The following ZNF831 variants were observed in gnomAD, a reference collection of about 807,000 sequenced individuals.
The protein encoded by ZNF831 is zinc finger protein 831.
Under a neutral mutation model 95.8 loss-of-function variants are expected in ZNF831, and 59 were observed. That is an observed-to-expected ratio of 0.62 (90% CI 0.50 to 0.77). ZNF831 has a LOEUF of 0.77. Among genes scored for constraint, ZNF831 ranks in the 30% least tolerant of loss-of-function variants. The probability of loss-of-function intolerance (pLI) is 0.00; values close to 1 mark genes in which losing one functional copy is unlikely to be tolerated. For missense variants in ZNF831, 2,205 were observed against 2,164.0 expected (o/e 1.02, Z -0.38); for synonymous variants, 961 against 925.5 (o/e 1.04, Z -0.70).
rs537767064 is a variant in ZNF831 at position 59,155,114 on chromosome 20, C to A, written c.-1280-4538C>A. On this transcript the variant is annotated intron_variant, in intron 2 of 7. Coordinates refer to the ZNF831 transcript ENST00000637017. Reference sequence around the variant, plus strand: ...AACTTGAATACAGTTTCCCTGACACCTGGGAGGGATAATGTCTTCCTCTTT... The same window carrying A: ...AACTTGAATACAGTTTCCCTGACACATGGGAGGGATAATGTCTTCCTCTTT... Among the ~76,000 whole-genome samples, 3 of 152,296 alleles carry A rather than the reference C, an allele frequency of 2.0e-5. No homozygotes were observed. The East Asian group carries it at 5.8e-4, about 29-fold the overall frequency.
chr20:59,177,998 T>C (rs554887861), intron 1 of ZNF831, among the ~76,000 whole-genome samples: 1 of 152,348 alleles, frequency 6.6e-6, no homozygotes, highest in East Asian at 1.9e-4. Flanking sequence ...CCAGTTTTTC[T>C]TTTGGTTTTG....
At chr20:59,222,035 T>C (rs1986108698) in intron 4 of ZNF831, among the ~76,000 whole-genome samples, 1 of 152,242 alleles carries the variant, frequency 6.6e-6, no homozygotes, top group African/African-American at 2.4e-5. Context: ...GGAGTCTGAA[T>C]CATAGTTAAT....
At position 59,254,255 on chromosome 20, in the gene ZNF831, C is replaced by T. The variant is rs751946033; in HGVS notation, c.4546C>T (p.His1516Tyr). 6.2e-7 allele frequency: 1 copy of T among 1,613,978 alleles called. No individual in the cohort carries two copies. The highest frequency in any genetic ancestry group is 8.5e-7 in the Non-Finnish European group (1 of 1,179,934). The change falls in exon 6 of 6, where the codon CAC becomes TAC. Residue 1516 changes from histidine to tyrosine, a missense_variant. Coordinates refer to ENST00000371030, the MANE Select transcript of ZNF831 (RefSeq NM_178457.3). The surrounding 1 kb of genome is among the most constrained non-coding windows in gnomAD (Gnocchi z 4.5). ...QEIHSAESRD[H>Y]SQTAGRTLTS... ...AATTCACAGTGCTGAATCACGAGAC[C>T]ACAGCCAGACTGCAGGGAGGACTCT... is the stretch of plus-strand genomic sequence containing the variant.
intron 1 of ZNF831, among the ~76,000 whole-genome samples, chr20:59,136,697 C>T (rs1404287963): frequency 2.0e-5 from 3 of 152,192 alleles, no homozygotes; most frequent in Admixed American, 2.0e-4. Flanking sequence ...TGGCCATATT[C>T]TTTTCTTCCT....
intron 1 of ZNF831, among the ~76,000 whole-genome samples, chr20:59,166,643 A>G (rs1331382846): frequency 1.3e-5 from 2 of 151,586 alleles, no homozygotes; most frequent in Non-Finnish European, 2.9e-5. Context: ...ATAATTTGTC[A>G]TTTCAAGAAT....
At chr20:59,151,064 G>T (rs1182134511) in intron 2 of ZNF831, among the ~76,000 whole-genome samples, 1 of 152,224 alleles carries the variant, frequency 6.6e-6, no homozygotes, top group Non-Finnish European at 1.5e-5. Flanking sequence ...GGGGTACCGG[G>T]CTGATAGCGG....
chr20:59,166,498 T>C (rs937361096), intron 1 of ZNF831, among the ~76,000 whole-genome samples: 1 of 152,182 alleles, frequency 6.6e-6, no homozygotes, highest in Admixed American at 6.5e-5. Context: ...TTGACAGTGA[T>C]ATAGTCAAGA....
At chr20:59,228,463 C>G (rs1658182700) in intron 4 of ZNF831, among the ~76,000 whole-genome samples, 1 of 151,834 alleles carries the variant, frequency 6.6e-6, no homozygotes, top group Non-Finnish European at 1.5e-5. Flanking sequence ...ATGCTGCCAA[C>G]CAACTTCCAT....
chr20:59,176,846 A>G (rs1292534612), intron 1 of ZNF831, among the ~76,000 whole-genome samples: 1 of 152,224 alleles, frequency 6.6e-6, no homozygotes, highest in East Asian at 1.9e-4. Flanking sequence ...ACCATCATCA[A>G]TACAATATTC....
rs140355594 is a variant in ZNF831 at position 59,239,691 on chromosome 20, C to T, written c.4028-13287C>T. Among the ~76,000 whole-genome samples, 1,272 of 151,918 alleles carry T rather than the reference C, an allele frequency of 8.4e-3. 18 individuals carry two copies. Among genetic ancestry groups the T allele is most frequent in the African/African-American group, 0.029 (1,200 of 41,400 alleles). On this transcript the variant is annotated intron_variant, in intron 4 of 5. Transcript: ENST00000371030. ...TCCCGAGTAGCTGGGATTACAGGCG[C>T]GCGCCACCACGCCTGGCTAGTTTTT... is the stretch of plus-strand genomic sequence containing the variant.
chr20:59,169,643 G>A lies in ZNF831; in HGVS notation c.-37+5436G>A, dbSNP rs1981566875. On this transcript the variant is annotated intron_variant, in intron 1 of 5. Transcript: ENST00000371030. The surrounding 1 kb of genome is among the most constrained non-coding windows in gnomAD (Gnocchi z 4.1). ...TAGCCCGGTGTGGTGGTGCGCACCT[G>A]TAATCCCAGCATGTTGCAAGCTGAG... Among the ~76,000 whole-genome samples the A allele has an allele frequency of 6.6e-6, 1 of 152,092 alleles. No individual in the cohort carries two copies. Among genetic ancestry groups the A allele is most frequent in the Non-Finnish European group, 1.5e-5 (1 of 68,010 alleles).
intron 4 of ZNF831, among the ~76,000 whole-genome samples, chr20:59,240,654 T>A (rs1196365810): frequency 6.6e-6 from 1 of 151,548 alleles, no homozygotes; most frequent in Non-Finnish European, 1.5e-5. Flanking sequence ...ACAAAAAAAT[T>A]AGCCGGGCGT....
At chr20:59,160,765 A>C (rs1432018360), upstream of ZNF831, 1 of 150,858 alleles carries the variant, frequency 6.6e-6, no homozygotes, top group Non-Finnish European at 1.5e-5. Context: ...TCCCTCGGAC[A>C]CACAGGATTT....
rs2146602793 is a variant in ZNF831, at chr20:59,194,636, A to G, written c.3617A>G (p.Tyr1206Cys). The G allele has an allele frequency of 6.2e-7, 1 of 1,613,558 alleles. No homozygotes were observed. Among genetic ancestry groups the G allele is most frequent in the Non-Finnish European group, 8.5e-7 (1 of 1,179,876 alleles). The change falls in exon 2 of 6, where the codon TAC becomes TGC. Residue 1206 changes from tyrosine (Y) to cysteine (C), a missense_variant. Physicochemically the swap from Tyr to Cys is radical, Grantham distance 194. Coordinates refer to ENST00000371030, the MANE Select transcript of ZNF831 (RefSeq NM_178457.3). ...AEQKAKAASV[Y>C]LAVHFPGSSL... ...CAGAAGGCAAAGGCGGCATCTGTGTACTTGGCGGTGCACTTTCCTGGTAGC... is the reference window on the plus strand; with the variant it reads ...CAGAAGGCAAAGGCGGCATCTGTGTGCTTGGCGGTGCACTTTCCTGGTAGC...
chr20:59,214,309 A>G (rs1985537828), intron 4 of ZNF831, among the ~76,000 whole-genome samples: 1 of 152,236 alleles, frequency 6.6e-6, no homozygotes, highest in Non-Finnish European at 1.5e-5. Context: ...AGGATTAAGC[A>G]AGATAGTGGA....
upstream of ZNF831, among the ~76,000 whole-genome samples, chr20:59,163,730 G>C (rs547477149): frequency 5.6e-3 from 753 of 133,786 alleles, 2 homozygotes; most frequent in Middle Eastern, 0.019. Flanking sequence ...TTTTTTTTTC[G>C]TGTCTGCTTC....
At chr20:59,195,790 G>T in intron 2 of ZNF831, 79 bp from the exon 3 acceptor site, 9 of 1,535,040 alleles carry the variant, frequency 5.9e-6, no homozygotes, top group Non-Finnish European at 7.9e-6. Flanking sequence ...CATCTTGTCT[G>T]CAGAGCGAGA....
chr20:59,213,831 C>T (rs966096600), intron 4 of ZNF831, among the ~76,000 whole-genome samples: 5 of 152,118 alleles, frequency 3.3e-5, no homozygotes, highest in East Asian at 1.9e-4. Flanking sequence ...ATGTCACCTC[C>T]GTTTTATGGA....
At chr20:59,140,204 CT>C (rs1199739350) in intron 1 of ZNF831, among the ~76,000 whole-genome samples, 2 of 152,198 alleles carry the variant, frequency 1.3e-5, no homozygotes, top group Non-Finnish European at 2.9e-5. Context: ...ACAAAGACAT[CT>C]GCTGTGTCAT....
Sources: allele counts gnomAD v4.1 joint callset (sites outside exome capture counted in the v4.1 genomes callset), GRCh38; gene constraint gnomAD v4.1.1; non-coding constraint Gnocchi (gnomAD v3.1); transcripts MANE v1.5; gene names NCBI Gene and HGNC (gene_info 2026-07-23, HGNC 2026-07-21).